Variants in IL17RD observed in about 807,000 individuals in gnomAD.
IL17RD encodes interleukin-17 receptor D.
In IL17RD, 52 loss-of-function variants were observed where a neutral mutation model predicts 80.5. The observed-to-expected ratio is 0.65, with a 90% CI of 0.52 to 0.81. The LOEUF is 0.81. IL17RD is among the 40% of genes least tolerant of loss of function. The probability of loss-of-function intolerance (pLI) is 0.00; values close to 1 mark genes in which losing one functional copy is unlikely to be tolerated. For missense variants in IL17RD, 1,024 were observed against 955.1 expected, an observed-to-expected ratio of 1.07 and a Z score of -0.95; for synonymous variants, 416 against 391.8, an observed-to-expected ratio of 1.06 and a Z score of -0.73.
chr3:57,110,239 A>G lies in IL17RD; in HGVS notation c.383T>C (p.Leu128Pro), dbSNP rs557266883. Residue 128 changes from leucine to proline, a missense_variant, in exon 4 of 13, where the codon CTG becomes CCG. Transcript: ENST00000296318. Reference protein sequence around the residue: ...LKSEGRQCQQLILKDPKQLNS... With the variant: ...LKSEGRQCQQPILKDPKQLNS... Reference sequence around the variant, plus strand: ...GAGCTGCTTCGGATCCTTTAGAATCAGTTGTTGGCACTGTCTTCCCTCCGA... The same window carrying G: ...GAGCTGCTTCGGATCCTTTAGAATCGGTTGTTGGCACTGTCTTCCCTCCGA... 2 of 1,609,064 alleles carry G rather than the reference A, an allele frequency of 1.2e-6. No homozygotes were observed. The highest frequency in any genetic ancestry group is 3.4e-5 in the Admixed American group (2 of 59,484).
intron 1 of IL17RD, among the ~76,000 whole-genome samples, chr3:57,144,361 T>A (rs1386610414): frequency 1.3e-5 from 2 of 152,224 alleles, no homozygotes; most frequent in African/African-American, 4.8e-5. Context: ...CTCTTCCTCC[T>A]CTGGCTTGTG....
Position 57,114,639 on chromosome 3 carries a change from C to A in IL17RD, c.310+53G>T. On this transcript the variant is annotated intron_variant, in intron 3 of 12. Coordinates refer to ENST00000296318, the MANE Select transcript of IL17RD (RefSeq NM_017563.5). ...GAGACCATCATGTGGGACCTTTGCA[C>A]TGGGCCCTATCCACCCAGGTTATCA... The A allele has an allele frequency of 9.8e-6, 15 of 1,528,774 alleles. No homozygotes were observed. The South Asian group carries it at 2.0e-4, about 20-fold the overall frequency. 94.7% of individuals were successfully genotyped at this position (1,528,774 alleles called of 1,614,324 possible).
At chr3:57,126,906 C>A (rs1707470727) in intron 1 of IL17RD, among the ~76,000 whole-genome samples, 1 of 148,638 alleles carries the variant, frequency 6.7e-6, no homozygotes, top group South Asian at 2.1e-4. Context: ...CTCACTGCAA[C>A]CTCCGCCTCC....
At chr3:57,097,178 T>C (rs1706697075) in intron 12 of IL17RD, among the ~76,000 whole-genome samples, 1 of 151,602 alleles carries the variant, frequency 6.6e-6, no homozygotes, top group Non-Finnish European at 1.5e-5. Flanking sequence ...ACTGTACCCA[T>C]GAATCCCAGA....
chr3:57,114,868 T>A, intron 2 of IL17RD, 51 bp from the exon 3 acceptor site: 7 of 1,438,074 alleles, frequency 4.9e-6, no homozygotes, highest in Non-Finnish European at 5.6e-6. Flanking sequence ...TCATTTTTAT[T>A]TTCAGGTTCA....
intron 1 of IL17RD, among the ~76,000 whole-genome samples, chr3:57,159,806 C>T (rs1295075487): frequency 6.6e-6 from 1 of 152,252 alleles, no homozygotes; most frequent in African/African-American, 2.4e-5. Context: ...CCTCACCCCA[C>T]ATTCTTACAA....
At chr3:57,138,229 CA>C (rs2107523441) in intron 1 of IL17RD, among the ~76,000 whole-genome samples, 1 of 151,920 alleles carries the variant, frequency 6.6e-6, no homozygotes, top group East Asian at 1.9e-4. Flanking sequence ...TTGAACTGTA[CA>C]TTTAAAATGG....
At chr3:57,136,131 C>T (rs1707720044) in intron 1 of IL17RD, among the ~76,000 whole-genome samples, 1 of 152,162 alleles carries the variant, frequency 6.6e-6, no homozygotes. Context: ...ACAATGTCTT[C>T]CTCTCTCCAG....
At chr3:57,127,134 G>T (rs1489454187) in intron 1 of IL17RD, among the ~76,000 whole-genome samples, 1 of 143,600 alleles carries the variant, frequency 7.0e-6, no homozygotes, top group African/African-American at 2.6e-5. Flanking sequence ...CGGAAGATGG[G>T]TTTTTTTAAA....
chr3:57,116,445 G>C, intron 2 of IL17RD, among the ~76,000 whole-genome samples: 1 of 65,832 alleles, frequency 1.5e-5, no homozygotes, highest in Middle Eastern at 8.1e-3. Context: ...CACCACACCC[G>C]GCTAATTTTT....
intron 1 of IL17RD, among the ~76,000 whole-genome samples, chr3:57,146,799 C>T (rs1217331826): frequency 2.1e-5 from 3 of 141,454 alleles, no homozygotes; most frequent in East Asian, 2.0e-4. Flanking sequence ...GTCAATATTT[C>T]GTGTGTGTGT....
At position 57,097,600 on chromosome 3, in the gene IL17RD, G is replaced by C; in HGVS notation, c.2103C>G (p.Gly701=). ...CCGGCCCCAAAGGCACCTTACCCAG[G>C]CCTGAAGAGGAGGACACGCTCTCCG... ...SLTESVSSSS[G]LGEEEPPALP... Residue 701 remains glycine, a synonymous_variant, in exon 12 of 13, where the codon GGC becomes GGG. Coordinates refer to ENST00000296318, the MANE Select transcript of IL17RD (RefSeq NM_017563.5). 6.4e-7 allele frequency: 1 copy of C among 1,570,420 alleles called. No homozygotes were observed. The highest frequency in any genetic ancestry group is 8.6e-7 in the Non-Finnish European group (1 of 1,157,912).
chr3:57,117,990 G>A (rs1707253016), intron 2 of IL17RD, among the ~76,000 whole-genome samples: 1 of 152,158 alleles, frequency 6.6e-6, no homozygotes, highest in African/African-American at 2.4e-5. Flanking sequence ...TAAAAAAACA[G>A]CAAGATACTT....
At chr3:57,140,631 G>C (rs1707811067) in intron 1 of IL17RD, among the ~76,000 whole-genome samples, 1 of 152,088 alleles carries the variant, frequency 6.6e-6, no homozygotes, top group African/African-American at 2.4e-5. Flanking sequence ...AGGCTTAGTG[G>C]GTCAGTTTTG....
At chr3:57,133,708 A>G (rs1267686822) in intron 1 of IL17RD, among the ~76,000 whole-genome samples, 1 of 152,162 alleles carries the variant, frequency 6.6e-6, no homozygotes, top group African/African-American at 2.4e-5. Context: ...AGTGGTATAG[A>G]GAGGTCAATT....
At chr3:57,148,819 T>C (rs1433254052) in intron 1 of IL17RD, among the ~76,000 whole-genome samples, 1 of 152,204 alleles carries the variant, frequency 6.6e-6, no homozygotes, top group African/African-American at 2.4e-5. Context: ...GTGGGCCCAG[T>C]GAAGCCCAGA....
intron 1 of IL17RD, chr3:57,142,516 T>C: frequency 7.8e-7 from 1 of 1,286,658 alleles, no homozygotes; most frequent in Non-Finnish European, 1.0e-6. Flanking sequence ...TCCCTCCCCC[T>C]CCAACCGCCC....
intron 1 of IL17RD, among the ~76,000 whole-genome samples, chr3:57,139,714 T>C (rs111453480): frequency 1.0e-3 from 152 of 152,240 alleles, no homozygotes; most frequent in African/African-American, 3.5e-3. Flanking sequence ...GGTTTCACCA[T>C]GTTGGCCAGG....
intron 1 of IL17RD, among the ~76,000 whole-genome samples, chr3:57,133,179 G>A (rs553470740): frequency 3.5e-4 from 53 of 152,278 alleles, no homozygotes; most frequent in Middle Eastern, 6.8e-3. Context: ...GTTTCAAAGC[G>A]TAAAAAATTT....
Sources: allele counts gnomAD v4.1 joint callset (sites outside exome capture counted in the v4.1 genomes callset), GRCh38; gene constraint gnomAD v4.1.1; transcripts MANE v1.5; gene names NCBI Gene and HGNC (gene_info 2026-07-23, HGNC 2026-07-21).